The following TRPM6 variants were observed in gnomAD, a reference collection of about 807,000 sequenced individuals.
TRPM6 encodes the protein transient receptor potential cation channel subfamily M member 6, also known as channel kinase 2.
Under a neutral mutation model 247.6 loss-of-function variants are expected in TRPM6, and 111 were observed. The observed-to-expected ratio is 0.45, with a 90% CI of 0.38 to 0.52. The LOEUF (loss-of-function observed/expected upper bound fraction) is 0.52, where lower values mean the gene tolerates loss of function less well. Among genes scored for constraint, TRPM6 ranks in the 20% least tolerant of loss-of-function variants. The pLI is 0.00. For synonymous variants in TRPM6, 892 were observed against 853.8 expected, an observed-to-expected ratio of 1.04 and a Z score of -0.78; for missense variants, 2,126 against 2,421.5, an observed-to-expected ratio of 0.88 and a Z score of 2.56.
Position 74,724,736 on chromosome 9 carries a change from T to A in TRPM6, c.5946A>T (p.Arg1982Ser), listed in dbSNP as rs756049725. 1 of 1,614,190 alleles carries A rather than the reference T, an allele frequency of 6.2e-7. No homozygotes were observed. The highest frequency in any genetic ancestry group is 1.1e-5 in the South Asian group (1 of 91,090). Reference protein sequence around the residue: ...CRKLKLPDLKRNDYSPERINS... With the variant: ...CRKLKLPDLKSNDYSPERINS... The stretch of plus-strand genomic sequence containing the variant: ...TTATCCTTTCAGGGGAATAGTCATT[T>A]CTTTTTAAATCTGCAAGGAGGACAA... Residue 1982 changes from arginine to serine, a missense_variant, in exon 39 of 39, where the codon AGA (arginine) becomes AGT (serine). Transcript: ENST00000360774.
intron 6 of TRPM6, among the ~76,000 whole-genome samples, chr9:74,832,500 T>A (rs1829580347): frequency 6.6e-6 from 1 of 152,232 alleles, no homozygotes; most frequent in South Asian, 2.1e-4. Flanking sequence ...TTTTTAGATA[T>A]AATAACTTCA....
chr9:74,859,248 G>A (rs1830622153), intron 1 of TRPM6, among the ~76,000 whole-genome samples: 1 of 152,190 alleles, frequency 6.6e-6, no homozygotes. Context: ...ACCATTGGGT[G>A]TGTTGTTTCA....
At chr9:74,756,681 CAAAAA>C (rs1217543421) in intron 27 of TRPM6, among the ~76,000 whole-genome samples, 30 of 51,748 alleles carry the variant, frequency 5.8e-4, no homozygotes, top group South Asian at 2.0e-3. Context: ...CCCGTCTCTA[CAAAAA>C]AAAAAAAAAA....
intron 1 of TRPM6, among the ~76,000 whole-genome samples, chr9:74,879,107 T>C (rs901810355): frequency 2.7e-5 from 4 of 150,640 alleles, no homozygotes; most frequent in Admixed American, 6.6e-5. Flanking sequence ...AAATGAAAAA[T>C]TGACAAAAGA....
intron 3 of TRPM6, among the ~76,000 whole-genome samples, chr9:74,853,231 G>A (rs1564051078): frequency 6.6e-6 from 1 of 151,060 alleles, no homozygotes; most frequent in African/African-American, 2.4e-5. Context: ...CCCCATCGGG[G>A]AAGTGAGGAG....
At chr9:74,777,296 T>A in intron 23 of TRPM6, among the ~76,000 whole-genome samples, 1 of 152,224 alleles carries the variant, frequency 6.6e-6, no homozygotes, top group Non-Finnish European at 1.5e-5. Flanking sequence ...GGTTGGTTGG[T>A]TGGTTTTTGT....
chr9:74,880,173 A>G (rs1210833103), intron 1 of TRPM6, among the ~76,000 whole-genome samples: 1 of 152,220 alleles, frequency 6.6e-6, no homozygotes, highest in Non-Finnish European at 1.5e-5. Context: ...AAAATAATCT[A>G]AAGAATAAAG....
intron 14 of TRPM6, among the ~76,000 whole-genome samples, chr9:74,805,532 A>G (rs1828498121): frequency 6.6e-6 from 1 of 152,236 alleles, no homozygotes; most frequent in Admixed American, 6.5e-5. Context: ...TAGAACTGAG[A>G]TGTTGCTTAA....
At chr9:74,732,770 G>C (rs1825566457) in intron 36 of TRPM6, 34 bp from the exon 37 acceptor site, 1 of 1,506,132 alleles carries the variant, frequency 6.6e-7, no homozygotes, top group Admixed American at 1.7e-5. Flanking sequence ...TTTAGCAAAT[G>C]GAGATTTCAT....
At chr9:74,747,814 T>C (rs1367729442) in intron 31 of TRPM6, 75 bp downstream of exon 31, 1 of 1,238,912 alleles carries the variant, frequency 8.1e-7, no homozygotes, top group Non-Finnish European at 1.2e-6. Flanking sequence ...ATGACAAAAA[T>C]ATCAGCAGGA....
intron 37 of TRPM6, 71 bp downstream of exon 37, chr9:74,732,614 A>C (rs1450822198): frequency 1.6e-6 from 2 of 1,218,330 alleles, no homozygotes; most frequent in Admixed American, 1.9e-5. Context: ...ATATGTTTGT[A>C]AATTATTTTT....
chr9:74,866,913 A>G (rs1392486487), intron 1 of TRPM6, among the ~76,000 whole-genome samples: 4 of 152,214 alleles, frequency 2.6e-5, no homozygotes, highest in Non-Finnish European at 1.5e-5. Context: ...AATATTTACC[A>G]CATATGAAAT....
intron 36 of TRPM6, among the ~76,000 whole-genome samples, chr9:74,737,659 C>T (rs1031506174): frequency 1.6e-4 from 24 of 152,114 alleles, no homozygotes; most frequent in African/African-American, 5.8e-4. Context: ...ACTTTCTGGG[C>T]CCAAATTCCT....
intron 1 of TRPM6, among the ~76,000 whole-genome samples, chr9:74,883,078 T>C (rs1831413712): frequency 6.6e-6 from 1 of 152,216 alleles, no homozygotes; most frequent in Non-Finnish European, 1.5e-5. Flanking sequence ...TGAATTTGAT[T>C]TCTATAGATG....
intron 16 of TRPM6, among the ~76,000 whole-genome samples, chr9:74,801,243 A>ATTTTTTTTTTTTTTTTTTT (rs59490187): frequency 5.9e-5 from 5 of 85,252 alleles, no homozygotes; most frequent in Non-Finnish European, 8.5e-5. Flanking sequence ...AAGCCTGGGA[A>ATTTTTTTTTTTTTTTTTTT]TTTTTTTTTT....
At chr9:74,856,463 GTGTC>G (rs1554729650) in intron 2 of TRPM6, among the ~76,000 whole-genome samples, 1 of 92,618 alleles carries the variant, frequency 1.1e-5, no homozygotes, top group Non-Finnish European at 2.1e-5. Context: ...GTGTGTGTGT[GTGTC>G]TGTGTGTGTG....
At chr9:74,851,141 C>T (rs1463323658) in intron 3 of TRPM6, among the ~76,000 whole-genome samples, 1 of 151,938 alleles carries the variant, frequency 6.6e-6, no homozygotes, top group Non-Finnish European at 1.5e-5. Flanking sequence ...AGCAAGGTCC[C>T]ATAGAAGAAA....
intron 13 of TRPM6, 149 bp downstream of exon 13, chr9:74,810,666 T>G: frequency 2.7e-6 from 2 of 736,924 alleles, no homozygotes; most frequent in Non-Finnish European, 4.9e-6. Context: ...TGTGGTTTGT[T>G]GATGAACTTG....
intron 30 of TRPM6, among the ~76,000 whole-genome samples, chr9:74,749,951 T>G (rs1826183553): frequency 1.3e-5 from 2 of 152,224 alleles, no homozygotes; most frequent in South Asian, 4.1e-4. Context: ...TAGATGGTTT[T>G]GAATTCTACC....
Sources: allele counts gnomAD v4.1 joint callset (sites outside exome capture counted in the v4.1 genomes callset), GRCh38; gene constraint gnomAD v4.1.1; transcripts MANE v1.5; gene names NCBI Gene and HGNC (gene_info 2026-07-23, HGNC 2026-07-21).